ARID1B: variants seen among roughly 807,000 people sequenced by gnomAD.
ARID1B encodes the protein AT-rich interaction domain 1B.
In ARID1B, 30 loss-of-function variants were observed where a neutral mutation model predicts 212.3. The ratio of observed to expected loss-of-function variants is 0.14; its 90% CI spans 0.11 to 0.19. ARID1B has a LOEUF of 0.19. Among genes scored for constraint, ARID1B ranks in the 10% least tolerant of loss-of-function variants. The pLI is 1.00. For synonymous variants in ARID1B, 1,402 were observed against 1,301.7 expected (o/e 1.08, Z -1.66); for missense variants, 2,891 against 3,204.0 (o/e 0.90, Z 2.36).
At chr6:157,036,866 T>G (rs1781365073) in intron 4 of ARID1B, 1 of 501,346 alleles carries the variant, frequency 2.0e-6, no homozygotes. Flanking sequence ...GATGCAGCCT[T>G]TGGACTCAAG....
intron 4 of ARID1B, among the ~76,000 whole-genome samples, chr6:156,989,960 A>G (rs548912977): frequency 6.6e-6 from 1 of 152,300 alleles, no homozygotes; most frequent in African/African-American, 2.4e-5. Context: ...ATTCTTGCCA[A>G]TTAATTTGAT....
At chr6:156,888,311 T>G (rs1261397481) in intron 2 of ARID1B, among the ~76,000 whole-genome samples, 2 of 152,252 alleles carry the variant, frequency 1.3e-5, no homozygotes, top group East Asian at 3.8e-4. Context: ...TTTTCTGTTT[T>G]ACACTGTAGT....
intron 3 of ARID1B, among the ~76,000 whole-genome samples, chr6:156,922,322 G>A (rs1341022136): frequency 6.6e-6 from 1 of 152,012 alleles, no homozygotes; most frequent in Non-Finnish European, 1.5e-5. Context: ...ACAGGTGCAT[G>A]CCACCGTGCC....
intron 2 of ARID1B, among the ~76,000 whole-genome samples, chr6:156,885,748 A>G (rs147605375): frequency 1.3e-3 from 200 of 152,316 alleles, no homozygotes; most frequent in African/African-American, 4.7e-3. Flanking sequence ...TATTGCCACA[A>G]CTTTAAAATG....
intron 13 of ARID1B, among the ~76,000 whole-genome samples, chr6:157,187,269 T>A (rs1793039301): frequency 6.6e-6 from 1 of 152,108 alleles, no homozygotes; most frequent in South Asian, 2.1e-4. Context: ...GGCATGGAGC[T>A]CCACATTCGG....
At chr6:156,904,772 A>G (rs1043989758) in intron 3 of ARID1B, among the ~76,000 whole-genome samples, 3 of 152,240 alleles carry the variant, frequency 2.0e-5, no homozygotes, top group Non-Finnish European at 4.4e-5. Context: ...ACCTCATGTG[A>G]TGGATCACAG....
chr6:156,788,810 A>C (rs928366666), intron 1 of ARID1B, among the ~76,000 whole-genome samples: 1 of 152,166 alleles, frequency 6.6e-6, no homozygotes, highest in Non-Finnish European at 1.5e-5. Context: ...ATTTTTTTTA[A>C]ATGCTGAGAT....
At chr6:157,061,371 G>A (rs73581980) in intron 4 of ARID1B, among the ~76,000 whole-genome samples, 5,030 of 152,162 alleles carry the variant, frequency 0.033, 275 homozygotes, top group African/African-American at 0.11. Flanking sequence ...AGAATGGTAC[G>A]GAGCACATGG....
chr6:157,098,870 C>T (rs1287406070), intron 5 of ARID1B, among the ~76,000 whole-genome samples: 1 of 152,256 alleles, frequency 6.6e-6, no homozygotes, highest in Non-Finnish European at 1.5e-5. Context: ...TATATTCCCA[C>T]ACCTTTCAGG....
intron 2 of ARID1B, among the ~76,000 whole-genome samples, chr6:156,850,576 A>G (rs1438611424): frequency 2.0e-5 from 3 of 152,252 alleles, no homozygotes; most frequent in African/African-American, 4.8e-5. Context: ...TAATGATCAC[A>G]GAGTGGCTCT....
chr6:157,046,844 G>A (rs1782273281), intron 4 of ARID1B, among the ~76,000 whole-genome samples: 1 of 152,146 alleles, frequency 6.6e-6, no homozygotes, highest in South Asian at 2.1e-4. Flanking sequence ...TTCTCAAAGA[G>A]AAAATGTAAC....
At chr6:156,855,038 G>T (rs1408104860) in intron 2 of ARID1B, among the ~76,000 whole-genome samples, 1 of 152,074 alleles carries the variant, frequency 6.6e-6, no homozygotes, top group Non-Finnish European at 1.5e-5. Context: ...GTTGGGATGG[G>T]TGCTTATCAT....
intron 4 of ARID1B, among the ~76,000 whole-genome samples, chr6:157,060,630 C>CTTTTTTTTTTTTTTTT (rs56870548): frequency 1.4e-5 from 1 of 72,044 alleles, no homozygotes; most frequent in African/African-American, 6.3e-5. Flanking sequence ...AAAATCTGAA[C>CTTTTTTTTTTTTTTTT]TTTTTTTTTT....
chr6:156,812,040 G>T (rs1367047436), intron 1 of ARID1B, among the ~76,000 whole-genome samples: 1 of 152,256 alleles, frequency 6.6e-6, no homozygotes, highest in African/African-American at 2.4e-5. Context: ...GTTGTGCTGT[G>T]TGTAAATCAC....
rs2128392652 is a variant in ARID1B at position 157,206,456 on chromosome 6, C to T, written c.5684C>T (p.Ala1895Val). ...GCTCTGACTGCCCCGGACGCCGCTG[C>T]AGACCCAAAGGAGAAGCCCAAGCAA... ...SIALTAPDAA[A>V]DPKEKPKQAS... Residue 1895 changes from alanine to valine, a missense_variant, in exon 20 of 20, where the codon GCA becomes GTA. Around this residue, in one of 7 missense-constraint regions of ARID1B, gnomAD observed 332 missense variants for 369.2 expected, o/e 0.90. Transcript: ENST00000636930. This position sits in a 1 kb window ranked among gnomAD's most constrained non-coding sequence, Gnocchi z 6.8. 1 of 1,614,094 alleles carries T rather than the reference C, an allele frequency of 6.2e-7. No homozygotes were observed. Among genetic ancestry groups the T allele is most frequent in the Non-Finnish European group, 8.5e-7 (1 of 1,180,036 alleles).
At chr6:156,964,047 C>A (rs997289351) in intron 4 of ARID1B, among the ~76,000 whole-genome samples, 1 of 152,224 alleles carries the variant, frequency 6.6e-6, no homozygotes, top group African/African-American at 2.4e-5. Context: ...TCTCTGTCAC[C>A]CTTGGAAGCA....
At position 157,197,339 on chromosome 6, in the gene ARID1B, G is replaced by A. The variant is rs574272753; in HGVS notation, c.4382+1024G>A. 3.0e-4 allele frequency among the ~76,000 whole-genome samples: 46 copies of A among 152,376 alleles called. No homozygotes were observed. The South Asian group carries it at 5.0e-3, about 16-fold the overall frequency. ...TGCGTGTGCTGTTCTACCGGGGACC[G>A]GCTGGGCCAGAGCCGCTCACCTTTC... is the stretch of plus-strand genomic sequence containing the variant. On this transcript the variant is annotated intron_variant, in intron 16 of 19. Coordinates refer to ENST00000636930, the MANE Select transcript of ARID1B (RefSeq NM_001374828.1).
intron 4 of ARID1B, among the ~76,000 whole-genome samples, chr6:157,039,322 C>CTTTTTTTTTTTTTTTTTTGTTTTTT: frequency 9.7e-6 from 1 of 102,976 alleles, no homozygotes; most frequent in Non-Finnish European, 2.0e-5. Flanking sequence ...TTTGACATTT[C>CTTTTTTTTTTTTTTTTTTGTTTTTT]TTTTTTTTTT....
chr6:156,969,780 A>T (rs894085208), intron 4 of ARID1B, among the ~76,000 whole-genome samples: 1 of 152,166 alleles, frequency 6.6e-6, no homozygotes, highest in Non-Finnish European at 1.5e-5. Context: ...TTAAAAGCAT[A>T]CTTCAGTATT....
Sources: allele counts gnomAD v4.1 joint callset (sites outside exome capture counted in the v4.1 genomes callset), GRCh38; gene constraint gnomAD v4.1.1; regional missense constraint gnomAD v4.1.1; non-coding constraint Gnocchi (gnomAD v3.1); transcripts MANE v1.5; gene names NCBI Gene and HGNC (gene_info 2026-07-23, HGNC 2026-07-21).